PRKG1: variants seen among roughly 807,000 people sequenced by gnomAD.
The protein encoded by PRKG1 is cGMP-dependent protein kinase 1.
PRKG1 carries 35 observed loss-of-function variants against 88.1 expected under a neutral mutation model. That is an observed-to-expected ratio of 0.40 (90% CI 0.30 to 0.53). PRKG1 has a LOEUF of 0.53. PRKG1 is among the 20% of genes least tolerant of loss of function. The pLI, the probability that PRKG1 is intolerant of heterozygous loss-of-function variation, is 0.59. For synonymous variants in PRKG1, 303 were observed against 292.5 expected, an observed-to-expected ratio of 1.04 and a Z score of -0.37; for missense variants, 540 against 839.8, an observed-to-expected ratio of 0.64 and a Z score of 4.41.
chr10:52,121,294 TC>T (rs1169564855), intron 7 of PRKG1, among the ~76,000 whole-genome samples: 1 of 152,158 alleles, frequency 6.6e-6, no homozygotes, highest in African/African-American at 2.4e-5. Context: ...ATGATCTTTG[TC>T]CCATATTCTT....
chr10:51,129,987 A>G (rs4387306), intron 1 of PRKG1, among the ~76,000 whole-genome samples: 120,808 of 151,954 alleles, frequency 0.8, 48,617 homozygotes, highest in South Asian at 0.88. Flanking sequence ...AACAGGGAAG[A>G]TTTTAGGGAA....
intron 3 of PRKG1, among the ~76,000 whole-genome samples, chr10:51,478,037 A>G (rs920358591): frequency 3.3e-5 from 5 of 151,980 alleles, no homozygotes; most frequent in Non-Finnish European, 7.4e-5. Context: ...GTCTGTGAAG[A>G]GGTAAAGGGT....
At chr10:51,822,311 G>A (rs1055852842) in intron 4 of PRKG1, among the ~76,000 whole-genome samples, 4 of 151,978 alleles carry the variant, frequency 2.6e-5, no homozygotes, top group Non-Finnish European at 5.9e-5. Flanking sequence ...GTGAGATAAA[G>A]CCAGGCACAG....
intron 4 of PRKG1, among the ~76,000 whole-genome samples, chr10:51,851,151 A>G (rs553407399): frequency 6.6e-6 from 1 of 152,206 alleles, no homozygotes; most frequent in Admixed American, 6.5e-5. Context: ...AGGTAGCAAA[A>G]GGTAATATGC....
chr10:51,308,160 G>GCACT (rs1841087550), intron 2 of PRKG1, among the ~76,000 whole-genome samples: 1 of 152,046 alleles, frequency 6.6e-6, no homozygotes, highest in African/African-American at 2.4e-5. Flanking sequence ...CCTTTCCCTT[G>GCACT]CACTCCTGTA....
At chr10:52,084,943 A>G (rs527687734) in intron 7 of PRKG1, among the ~76,000 whole-genome samples, 1 of 152,116 alleles carries the variant, frequency 6.6e-6, no homozygotes, top group Admixed American at 6.6e-5. Context: ...AGGACCACAG[A>G]GAAGTTATTT....
chr10:52,286,349 T>G (rs932615183), intron 14 of PRKG1, among the ~76,000 whole-genome samples: 1 of 151,980 alleles, frequency 6.6e-6, no homozygotes, highest in African/African-American at 2.4e-5. Context: ...TGAGTTAAGT[T>G]CTTCTTCAAA....
intron 1 of PRKG1, among the ~76,000 whole-genome samples, chr10:51,047,734 C>T (rs1235612646): frequency 6.6e-6 from 1 of 151,854 alleles, no homozygotes; most frequent in African/African-American, 2.4e-5. Flanking sequence ...TTTCAGTTGG[C>T]ATTCAGCATT....
intron 2 of PRKG1, among the ~76,000 whole-genome samples, chr10:51,323,721 C>A (rs141802181): frequency 6.6e-6 from 1 of 152,202 alleles, no homozygotes; most frequent in African/African-American, 2.4e-5. Context: ...GTAATCCCAG[C>A]ACTTTGGGAA....
At chr10:51,667,614 C>T (rs1331437767) in intron 3 of PRKG1, among the ~76,000 whole-genome samples, 1 of 152,170 alleles carries the variant, frequency 6.6e-6, no homozygotes, top group Non-Finnish European at 1.5e-5. Flanking sequence ...TATAAACACT[C>T]CTACTGAGTG....
intron 3 of PRKG1, among the ~76,000 whole-genome samples, chr10:51,776,733 C>T (rs532228544): frequency 2.2e-3 from 338 of 152,040 alleles, no homozygotes; most frequent in Non-Finnish European, 4.0e-3. Flanking sequence ...GGCTGAGGCA[C>T]GAGAATTGCT....
At chr10:51,962,064 T>C (rs1843460691) in intron 5 of PRKG1, among the ~76,000 whole-genome samples, 1 of 152,148 alleles carries the variant, frequency 6.6e-6, no homozygotes, top group Non-Finnish European at 1.5e-5. Flanking sequence ...ATCCAAAATC[T>C]ATCCACCAAG....
At chr10:52,081,464 T>C in intron 7 of PRKG1, 1 of 408,960 alleles carries the variant, frequency 2.4e-6, no homozygotes, top group Non-Finnish European at 4.9e-6. Context: ...TATATATCTC[T>C]CCCCTCCTCA....
chr10:51,159,505 C>T (rs1846308483), intron 2 of PRKG1, among the ~76,000 whole-genome samples: 4 of 152,008 alleles, frequency 2.6e-5, no homozygotes, highest in Admixed American at 2.6e-4. Flanking sequence ...AGCTTGTGTA[C>T]TACTTATATA....
At chr10:51,376,484 G>T (rs568771241) in intron 2 of PRKG1, among the ~76,000 whole-genome samples, 2 of 152,096 alleles carry the variant, frequency 1.3e-5, no homozygotes, top group Admixed American at 6.5e-5. Context: ...TATCTTGTTT[G>T]CTATTGAAAA....
intron 3 of PRKG1, among the ~76,000 whole-genome samples, chr10:51,774,234 C>A (rs1301703814): frequency 2.0e-5 from 3 of 152,078 alleles, no homozygotes; most frequent in African/African-American, 7.2e-5. Context: ...GCTTCTTTAG[C>A]TCTATAACAC....
chr10:51,756,484 CAAAA>C (rs55967411), intron 3 of PRKG1, among the ~76,000 whole-genome samples: 1 of 107,978 alleles, frequency 9.3e-6, no homozygotes. Flanking sequence ...GAGACTGTCT[CAAAA>C]AAAAAAAAAA....
In PRKG1 at chr10:51,618,998, A is replaced by T. The variant is rs1358014029; in HGVS notation, c.592+151162A>T. 2.1e-5 allele frequency among the ~76,000 whole-genome samples: 3 copies of T among 140,152 alleles called. No individual in the cohort carries two copies. The Admixed American group carries it at 2.3e-4, about 11-fold the overall frequency. 91.9% of individuals were successfully genotyped at this position (140,152 alleles called of 152,430 possible). A position where few individuals can be genotyped will look rare whatever the true frequency, so the allele number is the denominator to read the frequency against. On this transcript the variant is annotated intron_variant, in intron 3 of 17. Coordinates refer to ENST00000373980, the MANE Select transcript of PRKG1 (RefSeq NM_006258.4). ...CATCATGTTGGCCAGGCTGGTCTCCATCCCCTGACCTCAAGCAATCCACCT... is the reference window on the plus strand; with the variant it reads ...CATCATGTTGGCCAGGCTGGTCTCCTTCCCCTGACCTCAAGCAATCCACCT...
chr10:51,821,328 G>A (rs952217465), intron 4 of PRKG1, among the ~76,000 whole-genome samples: 34 of 151,950 alleles, frequency 2.2e-4, no homozygotes, highest in Admixed American at 7.2e-4. Context: ...CATGTTTTTC[G>A]TGAGCGTCTG....
Sources: gnomAD v4.1 joint callset for allele counts (sites outside exome capture counted in the v4.1 genomes callset) on GRCh38, gnomAD v4.1.1 for gene constraint, MANE v1.5 for transcripts, NCBI Gene and HGNC (gene_info 2026-07-23, HGNC 2026-07-21) for gene names.